TRAIP: variants seen among roughly 807,000 people sequenced by gnomAD.
The protein encoded by TRAIP is TRAF interacting protein.
A neutral mutation model predicts 65.0 loss-of-function variants in TRAIP; 37 were observed. The ratio of observed to expected loss-of-function variants is 0.57; its 90% CI spans 0.44 to 0.75. The LOEUF (loss-of-function observed/expected upper bound fraction) is 0.75, where lower values mean the gene tolerates loss of function less well. Ranked by LOEUF, TRAIP falls within the 30% of genes least tolerant of loss-of-function variation. The probability of loss-of-function intolerance (pLI) is 0.00; values close to 1 mark genes in which losing one functional copy is unlikely to be tolerated. For synonymous variants in TRAIP, 187 were observed against 219.1 expected, an observed-to-expected ratio of 0.85 and a Z score of 1.29; for missense variants, 481 against 579.4, an observed-to-expected ratio of 0.83 and a Z score of 1.74.
At chr3:49,836,053 C>T (rs1282074438) in intron 10 of TRAIP, among the ~76,000 whole-genome samples, 1 of 151,808 alleles carries the variant, frequency 6.6e-6, no homozygotes, top group Non-Finnish European at 1.5e-5. Context: ...ACCTCCACCT[C>T]CCAGATTCAA....
chr3:49,846,990 G>A (rs1044311687), intron 3 of TRAIP, among the ~76,000 whole-genome samples: 1 of 151,998 alleles, frequency 6.6e-6, no homozygotes, highest in Non-Finnish European at 1.5e-5. Flanking sequence ...AGACCAGCCT[G>A]GCCAACAAGG....
chr3:49,846,160 C>T (rs1467641709), intron 3 of TRAIP, among the ~76,000 whole-genome samples: 1 of 152,152 alleles, frequency 6.6e-6, no homozygotes, highest in South Asian at 2.1e-4. Context: ...CTCTTGATTC[C>T]AAGAGCTCTG....
chr3:49,855,115 T>C (rs1575402205), intron 1 of TRAIP, among the ~76,000 whole-genome samples: 1 of 151,710 alleles, frequency 6.6e-6, no homozygotes, highest in African/African-American at 2.4e-5. Flanking sequence ...CTTTTTAATA[T>C]ACAAAAAAAG....
rs541650022 is a variant in TRAIP, at chr3:49,855,544, T to G, written c.98+812A>C. The stretch of plus-strand genomic sequence containing the variant: ...AATAGAGTACGCTTAGAGGCGAGCT[T>G]AATTTCTAGTCTAACCAAACAGCAG... On this transcript the variant is annotated intron_variant, in intron 1 of 14. Coordinates refer to ENST00000331456, the MANE Select transcript of TRAIP (RefSeq NM_005879.3). Among the ~76,000 whole-genome samples the G allele has an allele frequency of 2.0e-5, 3 of 152,344 alleles. No individual in the cohort carries two copies. In the South Asian group the frequency reaches 6.2e-4, roughly 32 times the overall value.
intron 10 of TRAIP, among the ~76,000 whole-genome samples, chr3:49,836,503 A>G (rs1374148995): frequency 6.6e-6 from 1 of 152,046 alleles, no homozygotes; most frequent in Non-Finnish European, 1.5e-5. Flanking sequence ...AAAAAAGAAA[A>G]GAAAAGAAAA....
At chr3:49,848,886 G>T (rs77941694) in intron 1 of TRAIP, among the ~76,000 whole-genome samples, 20,369 of 148,552 alleles carry the variant, frequency 0.14, 1,550 homozygotes, top group Middle Eastern at 0.24. Context: ...TTGCTCTGTC[G>T]CCCAGGCTGG....
At chr3:49,830,145 C>A (rs1469077327) in intron 11 of TRAIP, 77 bp from the exon 12 acceptor site, 1 of 1,508,214 alleles carries the variant, frequency 6.6e-7, no homozygotes, top group Non-Finnish European at 9.2e-7. Flanking sequence ...GCACACGCCC[C>A]TTGGGGAGTT....
In TRAIP at chr3:49,843,939, G is replaced by A. The variant is rs370388762; in HGVS notation, c.281-11C>T. The A allele has an allele frequency of 2.4e-5, 38 of 1,600,554 alleles. No individual in the cohort carries two copies. The highest frequency in any genetic ancestry group is 8.0e-5 in the African/African-American group (6 of 74,708). On this transcript the variant is annotated splice_polypyrimidine_tract_variant and intron_variant, in intron 4 of 14. Coordinates refer to ENST00000331456, the MANE Select transcript of TRAIP (RefSeq NM_005879.3). ...CTCGTTTCTCCTTGTCTGGAGCAGG[G>A]GTAGAGGGCGGAGGAAAGGGAAAGG... is the stretch of plus-strand genomic sequence containing the variant.
intron 7 of TRAIP, among the ~76,000 whole-genome samples, chr3:49,841,378 T>C (rs555972551): frequency 4.1e-4 from 62 of 152,312 alleles, no homozygotes; most frequent in African/African-American, 1.4e-3. Flanking sequence ...GGACCCTCTA[T>C]GCCTCTCAGC....
In TRAIP at chr3:49,852,145, G is replaced by A. The variant is rs952780686; in HGVS notation, c.99-3945C>T. Among the ~76,000 whole-genome samples, 8 of 150,932 alleles carry A rather than the reference G, an allele frequency of 5.3e-5. No individual in the cohort carries two copies. The East Asian group carries it at 1.6e-3, about 30-fold the overall frequency. Reference sequence around the variant, plus strand: ...GCACTTTGGGAGGCCGAGGCGGGCAGATCACGAGGTCAGGAGTTCAAGACC... The same window carrying A: ...GCACTTTGGGAGGCCGAGGCGGGCAAATCACGAGGTCAGGAGTTCAAGACC... On this transcript the variant is annotated intron_variant, in intron 1 of 14. Coordinates refer to ENST00000331456, the MANE Select transcript of TRAIP (RefSeq NM_005879.3).
At chr3:49,842,043 T>C (rs2081844148) in intron 6 of TRAIP, 104 bp from the exon 7 acceptor site, 3 of 908,162 alleles carry the variant, frequency 3.3e-6, no homozygotes, top group Non-Finnish European at 5.3e-6. Context: ...GGTAACAGGC[T>C]AGGCTGCCAG....
In TRAIP at chr3:49,847,199, A is replaced by G. The variant is rs868277988; in HGVS notation, c.240+326T>C. On this transcript the variant is annotated intron_variant, in intron 3 of 14. Transcript: ENST00000331456. Reference sequence around the variant, plus strand: ...CATCTCAAAATAAATAAATAAATAAATAAATAAATAAATAAATAAATAAAA... The same window carrying G: ...CATCTCAAAATAAATAAATAAATAAGTAAATAAATAAATAAATAAATAAAA... Among the ~76,000 whole-genome samples, 383 of 149,564 alleles carry G rather than the reference A, an allele frequency of 2.6e-3. 6 individuals are homozygous for G. The highest frequency in any genetic ancestry group is 8.9e-3 in the African/African-American group (363 of 40,996).
chr3:49,844,526 C>T lies in TRAIP; in HGVS notation c.280+15G>A, dbSNP rs1489768407. ...TCAGGGGCTTCCCAGCACCCCTCGT[C>T]TCTTGCTAACTCACCTTTCTGGGAA... On this transcript the variant is annotated intron_variant, in intron 4 of 14. Transcript: ENST00000331456. 6 of 1,613,662 alleles carry T rather than the reference C, an allele frequency of 3.7e-6. No homozygotes were observed. The highest frequency in any genetic ancestry group is 2.5e-6 in the Non-Finnish European group (3 of 1,179,902).
chr3:49,831,980 G>A lies in TRAIP; in HGVS notation c.973C>T (p.Pro325Ser). 2 of 1,607,740 alleles carry A rather than the reference G, an allele frequency of 1.2e-6. No individual in the cohort carries two copies. Among genetic ancestry groups the A allele is most frequent in the Non-Finnish European group, 1.7e-6 (2 of 1,177,158 alleles). The change falls in exon 11 of 15, where the codon CCC becomes TCC. Residue 325 changes from proline (P) to serine (S), a missense_variant. Transcript: ENST00000331456. ...TGGGAGCTGGAGGGCCGGGCTGGGG[G>A]AGTATCCACATCAAAGGTAGCATTG... The part of the protein sequence containing the change: ...DLNATFDVDT[P>S]PARPSSSQHG...
intron 10 of TRAIP, among the ~76,000 whole-genome samples, chr3:49,832,813 T>C (rs1286086052): frequency 1.4e-5 from 2 of 146,406 alleles, no homozygotes; most frequent in Admixed American, 1.4e-4. Flanking sequence ...CCTCCTGTCA[T>C]ACAAGGAGAA....
chr3:49,838,714 G>A lies in TRAIP; in HGVS notation c.884+1058C>T, dbSNP rs557874884. 5.9e-5 allele frequency among the ~76,000 whole-genome samples: 9 copies of A among 151,458 alleles called. No individual in the cohort carries two copies. In the South Asian group the frequency reaches 1.5e-3, roughly 25 times the overall value. ...CAGCCTGGCCAACATGGTGAAACCC[G>A]TCTCTGCCAAAACATACAAAAATTA... On this transcript the variant is annotated intron_variant, in intron 10 of 14. Coordinates refer to ENST00000331456, the MANE Select transcript of TRAIP (RefSeq NM_005879.3).
Position 49,839,760 on chromosome 3 carries a change from G to C in TRAIP, c.884+12C>G, listed in dbSNP as rs2081820875. 1 of 1,613,348 alleles carries C rather than the reference G, an allele frequency of 6.2e-7. No individual in the cohort carries two copies. Among genetic ancestry groups the C allele is most frequent in the Non-Finnish European group, 8.5e-7 (1 of 1,179,420 alleles). ...ACCTTGTGACCCCTGTACCGCCCAA[G>C]GCTCAACAAACCTCTCTAAAACCAG... On this transcript the variant is annotated intron_variant, in intron 10 of 14. Coordinates refer to ENST00000331456, the MANE Select transcript of TRAIP (RefSeq NM_005879.3).
chr3:49,836,515 G>A lies in TRAIP; in HGVS notation c.884+3257C>T, dbSNP rs183051632. Among the ~76,000 whole-genome samples, 11 of 151,008 alleles carry A rather than the reference G, an allele frequency of 7.3e-5. 1 individual carries two copies. In the East Asian group the frequency reaches 2.1e-3, roughly 29 times the overall value. The stretch of plus-strand genomic sequence containing the variant: ...CAAAAAAAAGAAAAGAAAAGAAAAG[G>A]AAAAAGAAAAAGAAAAAGCAAAGCA... On this transcript the variant is annotated intron_variant, in intron 10 of 14. Transcript: ENST00000331456.
chr3:49,847,374 C>T (rs1370982995), intron 3 of TRAIP, 151 bp downstream of exon 3: 2 of 587,216 alleles, frequency 3.4e-6, no homozygotes, highest in African/African-American at 4.0e-5. Flanking sequence ...AAAGTAAGAC[C>T]CTGTCTCTAA....
Sources: gnomAD v4.1 joint callset for allele counts (sites outside exome capture counted in the v4.1 genomes callset) on GRCh38, gnomAD v4.1.1 for gene constraint, MANE v1.5 for transcripts, NCBI Gene and HGNC (gene_info 2026-07-23, HGNC 2026-07-21) for gene names.